The following AGBL4 variants were observed in gnomAD, a reference collection of about 807,000 sequenced individuals.
AGBL4 encodes the protein AGBL carboxypeptidase 4.
A neutral mutation model predicts 66.4 loss-of-function variants in AGBL4; 58 were observed. That is an observed-to-expected ratio of 0.87 (90% confidence interval 0.71 to 1.09). The LOEUF (loss-of-function observed/expected upper bound fraction) is 1.09, where lower values mean the gene tolerates loss of function less well. AGBL4 is among the 50% of genes least tolerant of loss of function. The probability of loss-of-function intolerance (pLI) is 0.00; values close to 1 mark genes in which losing one functional copy is unlikely to be tolerated. For missense variants in AGBL4, 579 were observed against 631.0 expected (o/e 0.92, Z 0.88); for synonymous variants, 234 against 222.9 (o/e 1.05, Z -0.44).
intron 2 of AGBL4, among the ~76,000 whole-genome samples, chr1:49,797,925 G>A (rs552802211): frequency 7.9e-5 from 12 of 152,042 alleles, no homozygotes; most frequent in East Asian, 1.9e-4. Flanking sequence ...CACCACACCC[G>A]GCTAATTTTG....
At chr1:49,572,194 G>A (rs1020816750) in intron 3 of AGBL4, among the ~76,000 whole-genome samples, 1 of 152,022 alleles carries the variant, frequency 6.6e-6, no homozygotes, top group Non-Finnish European at 1.5e-5. Flanking sequence ...AGAATACATA[G>A]GCTATGGGGC....
chr1:49,559,063 C>T (rs1003950074), intron 3 of AGBL4, among the ~76,000 whole-genome samples: 9 of 152,128 alleles, frequency 5.9e-5, no homozygotes, highest in African/African-American at 1.9e-4. Flanking sequence ...CCACATGCCA[C>T]GTATAGAGCC....
intron 3 of AGBL4, among the ~76,000 whole-genome samples, chr1:49,373,321 A>G (rs1644404947): frequency 1.3e-5 from 2 of 152,196 alleles, no homozygotes; most frequent in Non-Finnish European, 2.9e-5. Context: ...TGCTTAATAA[A>G]TTAAGTAGAA....
intron 6 of AGBL4, among the ~76,000 whole-genome samples, chr1:48,806,080 T>C (rs145856699): frequency 1.3e-5 from 2 of 152,314 alleles, no homozygotes; most frequent in East Asian, 1.9e-4. Context: ...AATGAGAATA[T>C]ATTTGCAATA....
intron 3 of AGBL4, among the ~76,000 whole-genome samples, chr1:49,409,748 G>A (rs1419684026): frequency 6.6e-6 from 1 of 152,044 alleles, no homozygotes. Flanking sequence ...ACAAGAAAAT[G>A]GTAGAAAATC....
At chr1:49,791,514 C>T (rs1478209906) in intron 2 of AGBL4, among the ~76,000 whole-genome samples, 1 of 152,032 alleles carries the variant, frequency 6.6e-6, no homozygotes, top group Non-Finnish European at 1.5e-5. Flanking sequence ...CAATACACAT[C>T]AAATGAACCA....
intron 3 of AGBL4, among the ~76,000 whole-genome samples, chr1:49,536,968 T>C (rs1005732104): frequency 4.0e-5 from 6 of 151,370 alleles, no homozygotes; most frequent in African/African-American, 1.5e-4. Context: ...GATCATGCCA[T>C]TGCACTCCAG....
At position 49,464,487 on chromosome 1, in the gene AGBL4, C is replaced by A. The variant is rs142187281; in HGVS notation, c.283-218623G>T. Among the ~76,000 whole-genome samples the A allele has an allele frequency of 1.6e-3, 239 of 151,872 alleles. 9 individuals carry two copies. The East Asian group carries it at 0.038, about 24-fold the overall frequency. ...AAAGAAGAGATTCTAGTTCTGAGTA[C>A]ACCTTCTTTGATTCTGGAGAACAAG... On this transcript the variant is annotated intron_variant, in intron 3 of 13. Coordinates refer to ENST00000371839, the MANE Select transcript of AGBL4 (RefSeq NM_032785.4).
At chr1:49,530,014 T>G (rs2148812281) in intron 3 of AGBL4, among the ~76,000 whole-genome samples, 1 of 151,926 alleles carries the variant, frequency 6.6e-6, no homozygotes, top group Non-Finnish European at 1.5e-5. Context: ...TCACAATACT[T>G]GGCACACAGT....
intron 3 of AGBL4, among the ~76,000 whole-genome samples, chr1:49,458,853 G>T (rs898129624): frequency 5.9e-5 from 9 of 151,724 alleles, no homozygotes; most frequent in African/African-American, 2.2e-4. Context: ...TTAATGTGGT[G>T]TATCACATTT....
rs953488345 is a variant in AGBL4, at chr1:49,566,612, G to A, written c.282+130701C>T. On this transcript the variant is annotated intron_variant, in intron 3 of 13. Transcript: ENST00000371839. ...TCAGCAGCAGTGGCTGCAGAACAGC[G>A]GATATTGGTGAACCGCAAATGCTGC... 7.9e-5 allele frequency among the ~76,000 whole-genome samples: 12 copies of A among 152,160 alleles called. 1 individual carries two copies. The highest frequency in any genetic ancestry group is 2.1e-4 in the South Asian group (1 of 4,832).
intron 5 of AGBL4, among the ~76,000 whole-genome samples, chr1:48,958,459 A>G (rs929594328): frequency 2.0e-5 from 3 of 152,246 alleles, no homozygotes; most frequent in African/African-American, 7.2e-5. Context: ...GTTACAGCCA[A>G]TGCAATATGA....
At chr1:48,834,242 T>C (rs1481142775) in intron 6 of AGBL4, among the ~76,000 whole-genome samples, 1 of 152,168 alleles carries the variant, frequency 6.6e-6, no homozygotes, top group Non-Finnish European at 1.5e-5. Context: ...ATTTTGAGTC[T>C]CACCCATATC....
intron 1 of AGBL4, among the ~76,000 whole-genome samples, chr1:49,853,587 A>T (rs1218010673): frequency 6.6e-6 from 1 of 152,126 alleles, no homozygotes; most frequent in Non-Finnish European, 1.5e-5. Context: ...ACCTGAAGAT[A>T]TAACACCTGA....
chr1:49,609,213 T>C (rs2124218584), intron 3 of AGBL4, among the ~76,000 whole-genome samples: 1 of 152,316 alleles, frequency 6.6e-6, no homozygotes, highest in African/African-American at 2.4e-5. Flanking sequence ...AGTACTAGAA[T>C]TCAAGTCCAG....
At chr1:49,203,821 G>A (rs995888895) in intron 4 of AGBL4, among the ~76,000 whole-genome samples, 3 of 152,038 alleles carry the variant, frequency 2.0e-5, no homozygotes, top group African/African-American at 7.2e-5. Flanking sequence ...CAAAAAAAGA[G>A]TTTCAAGTCA....
At chr1:48,935,863 G>A (rs1655409852) in intron 5 of AGBL4, among the ~76,000 whole-genome samples, 1 of 147,202 alleles carries the variant, frequency 6.8e-6, no homozygotes, top group South Asian at 2.2e-4. Flanking sequence ...GGAGGCTGAG[G>A]CAGGAGAATC....
chr1:49,427,013 C>G (rs571272626), intron 3 of AGBL4, among the ~76,000 whole-genome samples: 1 of 152,118 alleles, frequency 6.6e-6, no homozygotes, highest in African/African-American at 2.4e-5. Context: ...ACTTTCCTCT[C>G]GTGAGCTTAC....
At chr1:49,320,663 C>A (rs555886613) in intron 3 of AGBL4, among the ~76,000 whole-genome samples, 9 of 152,152 alleles carry the variant, frequency 5.9e-5, no homozygotes, top group Non-Finnish European at 1.3e-4. Flanking sequence ...ACACCCCTCA[C>A]CACTATCACC....
Sources: gnomAD v4.1 joint callset for allele counts (sites outside exome capture counted in the v4.1 genomes callset) on GRCh38, gnomAD v4.1.1 for gene constraint, MANE v1.5 for transcripts, NCBI Gene and HGNC (gene_info 2026-07-23, HGNC 2026-07-21) for gene names.